The following EVA1A variants were observed in gnomAD, a reference collection of about 807,000 sequenced individuals.
EVA1A encodes protein eva-1 homolog A.
In EVA1A, 7 loss-of-function variants were observed where a neutral mutation model predicts 9.8. That is an observed-to-expected ratio of 0.71 (90% confidence interval 0.41 to 1.34). The LOEUF (loss-of-function observed/expected upper bound fraction) is 1.34, where lower values mean the gene tolerates loss of function less well. Ranked by LOEUF, EVA1A falls within the 40% of genes most tolerant of loss-of-function variation. EVA1A has a pLI of 0.01. For synonymous variants in EVA1A, 90 were observed against 85.6 expected, an observed-to-expected ratio of 1.05 and a Z score of -0.28; for missense variants, 206 against 205.9, an observed-to-expected ratio of 1.00 and a Z score of 0.00.
At position 75,540,559 on chromosome 2, in the gene EVA1A, G is replaced by C. The variant is rs1676075576; in HGVS notation, c.-191-18072C>G. Among the ~76,000 whole-genome samples, 3 of 152,282 alleles carry C rather than the reference G, an allele frequency of 2.0e-5. No homozygotes were observed. The South Asian group carries it at 6.2e-4, about 32-fold the overall frequency. On this transcript the variant is annotated intron_variant, in intron 1 of 3. Transcript: ENST00000393913. ...TAATCTCGGAAAAAGCCACACTGGG[G>C]TAAGCTTGCACAGTAATTCAAGCAG...
At chr2:75,526,872 C>A (rs1675463165) in intron 1 of EVA1A, among the ~76,000 whole-genome samples, 1 of 152,140 alleles carries the variant, frequency 6.6e-6, no homozygotes, top group Non-Finnish European at 1.5e-5. Flanking sequence ...AGGAAGAAAA[C>A]ACTGGCAGAA....
At chr2:75,567,767 G>C (rs998322549) in intron 1 of EVA1A, among the ~76,000 whole-genome samples, 1 of 152,230 alleles carries the variant, frequency 6.6e-6, no homozygotes, top group Non-Finnish European at 1.5e-5. Flanking sequence ...AAATCGGAGT[G>C]ATTTCCATTG....
intron 1 of EVA1A, chr2:75,524,199 A>G (rs1675335331): frequency 6.6e-6 from 1 of 152,162 alleles, no homozygotes. Context: ...AGTCACGGGT[A>G]TATCTTTATT....
At chr2:75,558,715 A>C (rs1676812080) in intron 1 of EVA1A, 1 of 152,212 alleles carries the variant, frequency 6.6e-6, no homozygotes, top group South Asian at 2.1e-4. Flanking sequence ...ATACCAAAAG[A>C]ATAGTGGGTT....
intron 3 of EVA1A, among the ~76,000 whole-genome samples, chr2:75,516,750 A>T (rs979216244): frequency 6.6e-6 from 1 of 152,236 alleles, no homozygotes; most frequent in African/African-American, 2.4e-5. Context: ...CCTCTCTGCC[A>T]GCCCCACTTC....
intron 1 of EVA1A, among the ~76,000 whole-genome samples, chr2:75,532,028 C>T (rs1008676326): frequency 2.0e-5 from 3 of 151,690 alleles, no homozygotes; most frequent in South Asian, 2.1e-4. Context: ...GGTGTGGTGG[C>T]GGGTGCCTGT....
At chr2:75,503,048 A>T (rs1385523828) in intron 3 of EVA1A, among the ~76,000 whole-genome samples, 1 of 152,188 alleles carries the variant, frequency 6.6e-6, no homozygotes, top group Non-Finnish European at 1.5e-5. Context: ...TGCCTCCCAG[A>T]TCAGAAAACA....
rs1343762674 is a variant in EVA1A at position 75,493,439 on chromosome 2, C to A, written c.256G>T (p.Asp86Tyr). ...ESSSDSSDSE[D>Y]GSEDTVSDLS... is the part of the protein sequence containing the mutation. ...TCGGACACGGTGTCCTCACTGCCAT[C>A]CTCGCTGTCGCTGCTGTCGCTGCTG... The change falls in exon 4 of 4, where the codon GAT (aspartate) becomes TAT (tyrosine). Residue 86 changes from aspartate (D) to tyrosine (Y), a missense_variant. Transcript: ENST00000393913. 1 of 1,613,684 alleles carries A rather than the reference C, an allele frequency of 6.2e-7. No homozygotes were observed.
At chr2:75,519,813 CCTCCTT>C (rs1675172325) in intron 2 of EVA1A, among the ~76,000 whole-genome samples, 1 of 149,470 alleles carries the variant, frequency 6.7e-6, no homozygotes, top group African/African-American at 2.4e-5. Context: ...AAAACCATTC[CCTCCTT>C]CCTGTCTCCA....
At position 75,493,403 on chromosome 2, in the gene EVA1A, G is replaced by T; in HGVS notation, c.292C>A (p.Arg98=). Residue 98 remains arginine, a synonymous_variant, in exon 4 of 4, where the codon CGG becomes AGG. Coordinates refer to ENST00000393913, the MANE Select transcript of EVA1A (RefSeq NM_001135032.2). ...SEDTVSDLSV[R]RHRRFERTLN... ...GTCCTCTCGAAGCGGCGGTGTCTCCGCACGGAGAGATCGGACACGGTGTCC... is the reference window on the plus strand; with the variant it reads ...GTCCTCTCGAAGCGGCGGTGTCTCCTCACGGAGAGATCGGACACGGTGTCC... The T allele has an allele frequency of 1.2e-6, 2 of 1,614,218 alleles. No individual in the cohort carries two copies. Among genetic ancestry groups the T allele is most frequent in the Non-Finnish European group, 1.7e-6 (2 of 1,180,044 alleles).
intron 3 of EVA1A, chr2:75,517,812 C>T (rs891808156): frequency 1.4e-6 from 1 of 721,694 alleles, no homozygotes; most frequent in Non-Finnish European, 2.6e-6. Flanking sequence ...CAATCACTCA[C>T]TTGAGCAGCT....
chr2:75,493,337 G>T lies in EVA1A; in HGVS notation c.358C>A (p.Arg120Ser), dbSNP rs773887250. Residue 120 changes from arginine to serine, a missense_variant, in exon 4 of 4, where the codon CGC (arginine) becomes AGC (serine). Physicochemically the swap from Arg to Ser is moderately radical, Grantham distance 110. Transcript: ENST00000393913. Reference protein sequence around the residue: ...NVFTSAEELERAQRLEERERI... With the variant: ...NVFTSAEELESAQRLEERERI... ...TCGCGCTCCTCCAGCCGCTGGGCGC[G>T]CTCCAGCTCCTCCGCAGAGGTGAAC... The T allele has an allele frequency of 1.6e-5, 26 of 1,614,066 alleles. No homozygotes were observed. Among genetic ancestry groups the T allele is most frequent in the Admixed American group, 1.3e-4 (8 of 60,012 alleles).
rs770469485 is a variant in EVA1A, at chr2:75,493,316, G to T, written c.379C>A (p.Arg127Ser). 9.3e-6 allele frequency: 15 copies of T among 1,614,092 alleles called. No homozygotes were observed. Among genetic ancestry groups the T allele is most frequent in the Non-Finnish European group, 1.3e-5 (15 of 1,179,980 alleles). ...ELERAQRLEE[R>S]ERIIREIWMN... ...CAGATCTCCCTGATGATGCGCTCGC[G>T]CTCCTCCAGCCGCTGGGCGCGCTCC... Residue 127 changes from arginine (R) to serine (S), a missense_variant, in exon 4 of 4, where the codon CGC (arginine) becomes AGC (serine). Arg to Ser is a moderately radical substitution (Grantham distance 110). Coordinates refer to ENST00000393913, the MANE Select transcript of EVA1A (RefSeq NM_001135032.2).
chr2:75,536,232 G>T (rs1053467282), intron 1 of EVA1A, among the ~76,000 whole-genome samples: 6 of 152,086 alleles, frequency 3.9e-5, no homozygotes, highest in Admixed American at 1.3e-4. Flanking sequence ...CTACTCAGGA[G>T]GCTGAAGGGG....
At chr2:75,534,701 G>A (rs891671752) in intron 1 of EVA1A, among the ~76,000 whole-genome samples, 1 of 152,172 alleles carries the variant, frequency 6.6e-6, no homozygotes, top group Non-Finnish European at 1.5e-5. Flanking sequence ...CTCTCATTCT[G>A]TAGGTTGTTT....
upstream of EVA1A, among the ~76,000 whole-genome samples, chr2:75,562,255 CT>C (rs2104001610): frequency 6.6e-6 from 1 of 152,200 alleles, no homozygotes; most frequent in Non-Finnish European, 1.5e-5. Context: ...ACCTGGGGAG[CT>C]TTAAAAACCA....
At chr2:75,509,214 T>C (rs1448838426) in intron 3 of EVA1A, among the ~76,000 whole-genome samples, 2 of 152,160 alleles carry the variant, frequency 1.3e-5, no homozygotes, top group Non-Finnish European at 2.9e-5. Flanking sequence ...GTGAATTTTA[T>C]AAGAAAACTG....
intron 3 of EVA1A, among the ~76,000 whole-genome samples, chr2:75,499,743 G>GAATAAGGTCATTCTACT (rs1674342357): frequency 6.6e-6 from 1 of 152,090 alleles, no homozygotes; most frequent in Admixed American, 6.6e-5. Flanking sequence ...CAGGGTGACG[G>GAATAAGGTCATTCTACT]CTGGTCAGGG....
chr2:75,559,536 G>T (rs1463750959), intron 1 of EVA1A, among the ~76,000 whole-genome samples: 1 of 152,216 alleles, frequency 6.6e-6, no homozygotes, highest in Non-Finnish European at 1.5e-5. Flanking sequence ...CAGACTGGAT[G>T]ACAAGAAGGG....
Sources: allele counts gnomAD v4.1 joint callset (sites outside exome capture counted in the v4.1 genomes callset), GRCh38; gene constraint gnomAD v4.1.1; transcripts MANE v1.5; gene names NCBI Gene and HGNC (gene_info 2026-07-23, HGNC 2026-07-21).